TACR3: variants seen among roughly 807,000 people sequenced by gnomAD.
TACR3 encodes tachykinin receptor 3, also known as neuromedin-K receptor.
In TACR3, 34 loss-of-function variants were observed where a neutral mutation model predicts 35.0. That is an observed-to-expected ratio of 0.97 (90% CI 0.74 to 1.30). TACR3 has a LOEUF of 1.30. Among genes scored for constraint, TACR3 ranks in the 50% most tolerant of loss-of-function variants. The pLI is 0.00. For synonymous variants in TACR3, 233 were observed against 221.1 expected, an observed-to-expected ratio of 1.05 and a Z score of -0.48; for missense variants, 558 against 591.7, an observed-to-expected ratio of 0.94 and a Z score of 0.59.
intron 3 of TACR3, among the ~76,000 whole-genome samples, chr4:103,618,137 A>G (rs6849584): frequency 0.22 from 33,102 of 152,146 alleles, 3,844 homozygotes; most frequent in Middle Eastern, 0.32. Context: ...GAACTTAGCC[A>G]TAAATTCTTT....
At chr4:103,634,058 A>G (rs1332261117) in intron 3 of TACR3, among the ~76,000 whole-genome samples, 35 of 152,136 alleles carry the variant, frequency 2.3e-4, no homozygotes, top group Non-Finnish European at 1.0e-4. Flanking sequence ...TTATACTTCT[A>G]ATGCAAAACT....
intron 3 of TACR3, among the ~76,000 whole-genome samples, chr4:103,600,123 C>T (rs919227599): frequency 2.0e-5 from 3 of 152,102 alleles, no homozygotes; most frequent in Non-Finnish European, 4.4e-5. Context: ...ATTATTACCT[C>T]AATTTCACAG....
At chr4:103,627,240 C>T (rs568922496) in intron 3 of TACR3, among the ~76,000 whole-genome samples, 115 of 138,492 alleles carry the variant, frequency 8.3e-4, no homozygotes, top group African/African-American at 3.0e-3. Flanking sequence ...GCTAATTCTT[C>T]CTTGGTGGTT....
rs79188754 is a variant in TACR3 at position 103,692,104 on chromosome 4, T to C, written c.548+27024A>G. ...CCCAGCATCTGTACATCAATCAAAA[T>C]AAATTTTACTGTGTGTGAATGTAAA... On this transcript the variant is annotated intron_variant, in intron 1 of 4. Transcript: ENST00000304883. Among the ~76,000 whole-genome samples, 1,236 of 152,214 alleles carry C rather than the reference T, an allele frequency of 8.1e-3. 21 individuals carry two copies. Among genetic ancestry groups the C allele is most frequent in the African/African-American group, 0.028 (1,183 of 41,544 alleles).
intron 3 of TACR3, among the ~76,000 whole-genome samples, chr4:103,650,819 A>T (rs867757945): frequency 8.8e-5 from 4 of 45,574 alleles, no homozygotes; most frequent in Non-Finnish European, 1.3e-4. Flanking sequence ...ATAATATATT[A>T]TATAATAATA....
chr4:103,694,856 A>G (rs1722487799), intron 1 of TACR3, among the ~76,000 whole-genome samples: 1 of 152,156 alleles, frequency 6.6e-6, no homozygotes, highest in African/African-American at 2.4e-5. Flanking sequence ...GGATCAATTC[A>G]CAGGAAGACA....
At chr4:103,617,724 G>C (rs1446445556) in intron 3 of TACR3, among the ~76,000 whole-genome samples, 5 of 152,108 alleles carry the variant, frequency 3.3e-5, no homozygotes, top group African/African-American at 1.2e-4. Context: ...TAATTCATTT[G>C]AGTCATGGTT....
At chr4:103,686,745 T>A (rs1722251085) in intron 1 of TACR3, among the ~76,000 whole-genome samples, 1 of 152,156 alleles carries the variant, frequency 6.6e-6, no homozygotes, top group African/African-American at 2.4e-5. Context: ...GCAGCCACCA[T>A]TAATACGTTT....
chr4:103,644,091 A>T (rs996261451), intron 3 of TACR3, among the ~76,000 whole-genome samples: 3 of 151,836 alleles, frequency 2.0e-5, no homozygotes, highest in African/African-American at 7.2e-5. Flanking sequence ...ACTGCCACAC[A>T]TAGAGAGCAG....
intron 1 of TACR3, among the ~76,000 whole-genome samples, chr4:103,661,066 G>C (rs942995100): frequency 6.6e-6 from 1 of 151,966 alleles, no homozygotes; most frequent in African/African-American, 2.4e-5. Flanking sequence ...AGTTTTGCCA[G>C]TCTTCAAAGA....
intron 1 of TACR3, among the ~76,000 whole-genome samples, chr4:103,703,886 G>A (rs1435567265): frequency 6.6e-6 from 1 of 151,806 alleles, no homozygotes; most frequent in Non-Finnish European, 1.5e-5. Context: ...GGATCACGAG[G>A]TCAGGAGATC....
chr4:103,591,669 C>A lies in TACR3; in HGVS notation c.903G>T (p.Met301Ile), dbSNP rs1723900784. The A allele has an allele frequency of 6.2e-7, 1 of 1,612,626 alleles. No homozygotes were observed. ...TAGCAAATGTCATGACAACAATAATCATCATTTTGACAACCTATAAAGAAA... is the reference window on the plus strand; with the variant it reads ...TAGCAAATGTCATGACAACAATAATAATCATTTTGACAACCTATAAAGAAA... The part of the protein sequence containing the change: ...LKAKRKVVKM[M>I]IIVVMTFAIC... The change falls in exon 4 of 5, where the codon ATG (methionine) becomes ATT (isoleucine). Residue 301 changes from methionine to isoleucine, a missense_variant. Met to Ile is a conservative substitution (Grantham distance 10, BLOSUM62 1). Coordinates refer to ENST00000304883, the MANE Select transcript of TACR3 (RefSeq NM_001059.3).
chr4:103,598,634 G>C (rs939682157), intron 3 of TACR3, among the ~76,000 whole-genome samples: 1 of 152,090 alleles, frequency 6.6e-6, no homozygotes, highest in Admixed American at 6.6e-5. Context: ...TTTTATATAA[G>C]GTGTAAGGAA....
At chr4:103,670,380 A>G (rs1323941681) in intron 1 of TACR3, among the ~76,000 whole-genome samples, 2 of 152,134 alleles carry the variant, frequency 1.3e-5, no homozygotes, top group Admixed American at 6.6e-5. Flanking sequence ...TATCATTGGT[A>G]TTTTGATGGG....
intron 3 of TACR3, among the ~76,000 whole-genome samples, chr4:103,611,682 G>A (rs888315533): frequency 6.6e-6 from 1 of 151,956 alleles, no homozygotes; most frequent in Admixed American, 6.6e-5. Context: ...ATGGCATCAA[G>A]AAGTAGAGGA....
chr4:103,611,726 T>G (rs1009508427), intron 3 of TACR3, among the ~76,000 whole-genome samples: 1 of 151,992 alleles, frequency 6.6e-6, no homozygotes, highest in Admixed American at 6.6e-5. Flanking sequence ...AATAAAAAAG[T>G]TTACTTTTTT....
chr4:103,642,920 CA>C (rs1009198387), intron 3 of TACR3, among the ~76,000 whole-genome samples: 35 of 151,954 alleles, frequency 2.3e-4, no homozygotes, highest in African/African-American at 8.4e-4. Flanking sequence ...CAAAATATCA[CA>C]TGTACCCCCA....
At chr4:103,632,164 G>A (rs896810729) in intron 3 of TACR3, among the ~76,000 whole-genome samples, 33 of 152,048 alleles carry the variant, frequency 2.2e-4, no homozygotes, top group East Asian at 3.9e-4. Flanking sequence ...TTAGAAATGC[G>A]CATTCGTCTT....
intron 3 of TACR3, among the ~76,000 whole-genome samples, chr4:103,627,802 C>T (rs1225591520): frequency 6.6e-6 from 1 of 152,162 alleles, no homozygotes; most frequent in Non-Finnish European, 1.5e-5. Context: ...ACCTAATAGA[C>T]ATCTGCATAA....
Sources: gnomAD v4.1 joint callset for allele counts (sites outside exome capture counted in the v4.1 genomes callset) on GRCh38, gnomAD v4.1.1 for gene constraint, MANE v1.5 for transcripts, NCBI Gene and HGNC (gene_info 2026-07-23, HGNC 2026-07-21) for gene names.